The following RANBP2 variants were observed in gnomAD, a reference collection of about 807,000 sequenced individuals.
RANBP2 encodes RAN binding protein 2, also known as E3 SUMO-protein ligase RanBP2.
A neutral mutation model predicts 303.6 loss-of-function variants in RANBP2; 57 were observed. The observed-to-expected ratio is 0.19, with a 90% CI of 0.15 to 0.23. RANBP2 has a LOEUF of 0.23. Ranked by LOEUF, RANBP2 falls within the 10% of genes least tolerant of loss-of-function variation. RANBP2 has a pLI of 1.00. For synonymous variants in RANBP2, 1,167 were observed against 1,301.5 expected (o/e 0.90, Z 2.23); for missense variants, 3,138 against 3,780.8 (o/e 0.83, Z 4.46).
At chr2:109,054,505 G>C in the RANBP2 span, among the ~76,000 whole-genome samples, 1 of 152,100 alleles carries the variant, frequency 6.6e-6, no homozygotes, top group East Asian at 1.9e-4. Context: ...AAGAGATTGA[G>C]ACCATCCTAG....
At chr2:109,366,815 T>G in the RANBP2 span, among the ~76,000 whole-genome samples, 1 of 152,234 alleles carries the variant, frequency 6.6e-6, no homozygotes, top group East Asian at 1.9e-4. Flanking sequence ...ATTGTGCCAC[T>G]GCACTCCAGC....
At chr2:109,278,911 A>C in the RANBP2 span, among the ~76,000 whole-genome samples, 3 of 152,208 alleles carry the variant, frequency 2.0e-5, no homozygotes, top group Non-Finnish European at 2.9e-5. Flanking sequence ...GCTGGGCAGT[A>C]GTACACCCGA....
At chr2:109,230,313 C>T in the RANBP2 span, among the ~76,000 whole-genome samples, 6 of 152,100 alleles carry the variant, frequency 3.9e-5, no homozygotes, top group East Asian at 1.9e-4. Context: ...TAGTGCCTCA[C>T]GCCTGTAAAC....
chr2:109,116,971 T>C, the RANBP2 span, among the ~76,000 whole-genome samples: 1 of 152,224 alleles, frequency 6.6e-6, no homozygotes, highest in Non-Finnish European at 1.5e-5. Context: ...CGAATGCTGC[T>C]GTCTGATTGT....
the RANBP2 span, chr2:108,910,527 CGTT>C: frequency 6.2e-7 from 1 of 1,612,718 alleles, no homozygotes; most frequent in South Asian, 1.1e-5. Context: ...AACATCACCA[CGTT>C]GTCTGCAGGG....
At chr2:108,990,530 A>G in the RANBP2 span, among the ~76,000 whole-genome samples, 1 of 152,072 alleles carries the variant, frequency 6.6e-6, no homozygotes, top group Non-Finnish European at 1.5e-5. Context: ...CAGGAGATGG[A>G]AGTTGCAGTG....
the RANBP2 span, among the ~76,000 whole-genome samples, chr2:108,820,685 A>G: frequency 2.1e-5 from 3 of 141,702 alleles, no homozygotes; most frequent in Non-Finnish European, 4.5e-5. Context: ...CAGTGGGATG[A>G]TACATTCAAA....
the RANBP2 span, among the ~76,000 whole-genome samples, chr2:109,158,466 C>T: frequency 6.6e-6 from 1 of 152,158 alleles, no homozygotes; most frequent in Non-Finnish European, 1.5e-5. Context: ...CAGGTTCAGT[C>T]CCCCAAGGCT....
the RANBP2 span, among the ~76,000 whole-genome samples, chr2:109,537,123 T>C: frequency 6.6e-6 from 1 of 152,232 alleles, no homozygotes; most frequent in South Asian, 2.1e-4. Context: ...CTTGCCTTGT[T>C]CCCAAAGAAG....
the RANBP2 span, among the ~76,000 whole-genome samples, chr2:109,343,117 T>C: frequency 6.6e-6 from 1 of 152,114 alleles, no homozygotes; most frequent in Admixed American, 6.5e-5. Context: ...TGGGTGGGTG[T>C]GGAGGCTGGG....
chr2:109,567,410 AT>A, the RANBP2 span, among the ~76,000 whole-genome samples: 2 of 152,374 alleles, frequency 1.3e-5, no homozygotes, highest in African/African-American at 4.8e-5. Flanking sequence ...GAGAAGGAGC[AT>A]AAATACTAGT....
intron 1 of RANBP2, among the ~76,000 whole-genome samples, chr2:108,727,163 G>A (rs536107060): frequency 3.4e-4 from 52 of 152,286 alleles, no homozygotes; most frequent in African/African-American, 1.3e-3. Context: ...CCTCCCAGAC[G>A]GGGTGGTGGC....
the RANBP2 span, among the ~76,000 whole-genome samples, chr2:109,655,321 C>T: frequency 2.6e-5 from 4 of 152,130 alleles, no homozygotes; most frequent in Admixed American, 6.6e-5. Context: ...AGAACACAGT[C>T]GATAGGTGAC....
chr2:109,111,060 T>C, the RANBP2 span, among the ~76,000 whole-genome samples: 3 of 152,184 alleles, frequency 2.0e-5, no homozygotes, highest in African/African-American at 7.2e-5. Flanking sequence ...TTACTAGCAG[T>C]ACCCTAGCTA....
chr2:108,734,483 TG>T (rs1695409950), intron 4 of RANBP2, among the ~76,000 whole-genome samples: 1 of 122,716 alleles, frequency 8.1e-6, no homozygotes, highest in African/African-American at 5.0e-5. Flanking sequence ...GAAACCAGTT[TG>T]GGGGTTCTTC....
At chr2:109,596,036 T>C in the RANBP2 span, among the ~76,000 whole-genome samples, 1 of 152,144 alleles carries the variant, frequency 6.6e-6, no homozygotes, top group Admixed American at 6.6e-5. Flanking sequence ...AAGTTTAATA[T>C]TTATTTTATT....
At chr2:109,515,037 A>C in the RANBP2 span, among the ~76,000 whole-genome samples, 2 of 152,202 alleles carry the variant, frequency 1.3e-5, no homozygotes, top group African/African-American at 2.4e-5. Context: ...TGGGGCCTGA[A>C]TGCAAGTCCA....
At chr2:109,083,598 A>G in the RANBP2 span, among the ~76,000 whole-genome samples, 6 of 152,134 alleles carry the variant, frequency 3.9e-5, no homozygotes, top group Admixed American at 3.3e-4. Context: ...TGTTGTGAAT[A>G]ACGTTGCTGT....
the RANBP2 span, among the ~76,000 whole-genome samples, chr2:109,344,861 G>T: frequency 6.6e-6 from 1 of 152,214 alleles, no homozygotes; most frequent in African/African-American, 2.4e-5. Context: ...CAGATGTCCA[G>T]CAGAGCCGTC....
Sources: gnomAD v4.1 joint callset for allele counts (sites outside exome capture counted in the v4.1 genomes callset) on GRCh38, gnomAD v4.1.1 for gene constraint, MANE v1.5 for transcripts, NCBI Gene and HGNC (gene_info 2026-07-23, HGNC 2026-07-21) for gene names.